The following GBF1 variants were observed in gnomAD, a reference collection of about 807,000 sequenced individuals.
The protein encoded by GBF1 is Golgi-specific brefeldin A-resistance guanine nucleotide exchange factor 1.
A neutral mutation model predicts 210.5 loss-of-function variants in GBF1; 114 were observed. The observed-to-expected ratio is 0.54, with a 90% confidence interval of 0.47 to 0.63. The LOEUF is 0.63. Ranked by LOEUF, GBF1 falls within the 30% of genes least tolerant of loss-of-function variation. The pLI, the probability that GBF1 is intolerant of heterozygous loss-of-function variation, is 0.00. For synonymous variants in GBF1, 850 were observed against 889.2 expected (o/e 0.96, Z 0.78); for missense variants, 1,851 against 2,357.7 (o/e 0.79, Z 4.45).
At position 102,361,922 on chromosome 10, in the gene GBF1, A is replaced by C. The variant is rs938390149; in HGVS notation, c.1686+10A>C. 1.2e-5 allele frequency: 18 copies of C among 1,543,836 alleles called. No homozygotes were observed. Among genetic ancestry groups the C allele is most frequent in the Non-Finnish European group, 1.6e-5 (18 of 1,140,916 alleles). ...AAAGCTGCTGTCCAAGGTGCTGAGC[A>C]CTATAACTGGCTTCTAGGAAAAAAC... On this transcript the variant is annotated intron_variant, in intron 14 of 39. Coordinates refer to ENST00000369983, the MANE Select transcript of GBF1 (RefSeq NM_001377137.1).
intron 3 of GBF1, among the ~76,000 whole-genome samples, chr10:102,277,563 GA>G (rs2075100729): frequency 6.6e-6 from 1 of 151,994 alleles, no homozygotes; most frequent in Non-Finnish European, 1.5e-5. Context: ...ATTTTTAGTA[GA>G]GACAGGGTTT....
the GBF1 span, among the ~76,000 whole-genome samples, chr10:102,239,184 A>T: frequency 1.3e-5 from 2 of 151,758 alleles, no homozygotes; most frequent in Non-Finnish European, 2.9e-5. Context: ...CTCTGACCCT[A>T]CTCTAGGCCC....
At chr10:102,295,578 G>T (rs1288159702) in intron 3 of GBF1, among the ~76,000 whole-genome samples, 1 of 151,836 alleles carries the variant, frequency 6.6e-6, no homozygotes, top group Admixed American at 6.6e-5. Flanking sequence ...AACAATATGG[G>T]AATAGAAGGG....
At chr10:102,369,415 G>C in intron 24 of GBF1, 28 bp downstream of exon 24, 1 of 1,557,398 alleles carries the variant, frequency 6.4e-7, no homozygotes, top group South Asian at 1.1e-5. Flanking sequence ...ACTAGTGAGC[G>C]ATAACAAGGC....
At chr10:102,319,232 AT>A (rs1408661256) in intron 3 of GBF1, among the ~76,000 whole-genome samples, 1 of 152,174 alleles carries the variant, frequency 6.6e-6, no homozygotes. Context: ...AGGCAGGAGA[AT>A]GGCATGAACC....
intron 3 of GBF1, among the ~76,000 whole-genome samples, chr10:102,338,498 C>T (rs2134455379): frequency 6.6e-6 from 1 of 152,022 alleles, no homozygotes; most frequent in African/African-American, 2.4e-5. Flanking sequence ...CTCACCTCGG[C>T]CTCCCAAAGT....
At chr10:102,351,735 C>T in intron 5 of GBF1, 108 bp from the exon 6 acceptor site, 1 of 698,330 alleles carries the variant, frequency 1.4e-6, no homozygotes, top group Non-Finnish European at 2.6e-6. Flanking sequence ...TTGGAGACCT[C>T]TCTACCAAGC....
At chr10:102,303,079 C>G (rs2077532125) in intron 3 of GBF1, among the ~76,000 whole-genome samples, 1 of 151,350 alleles carries the variant, frequency 6.6e-6, no homozygotes, top group Non-Finnish European at 1.5e-5. Context: ...CCTCCGCCTC[C>G]TGGGTTCAAG....
At chr10:102,358,852 G>T in intron 10 of GBF1, 123 bp downstream of exon 10, 1 of 650,706 alleles carries the variant, frequency 1.5e-6, no homozygotes, top group Non-Finnish European at 2.7e-6. Flanking sequence ...AAGAAGCTCT[G>T]ATCTTTCCTG....
In GBF1 at chr10:102,260,802, T is replaced by C. The variant is rs1005701438; in HGVS notation, c.163+686T>C. ...TATATTTTCTTTAAAAAAAAGAATC[T>C]GCAAGCCAGATTTGGCCCATGGGTG... On this transcript the variant is annotated intron_variant, in intron 3 of 39. Coordinates refer to ENST00000369983, the MANE Select transcript of GBF1 (RefSeq NM_001377137.1). Among the ~76,000 whole-genome samples the C allele has an allele frequency of 2.6e-4, 39 of 152,164 alleles. 1 individual carries two copies. In the South Asian group the frequency reaches 3.3e-3, roughly 13 times the overall value.
At chr10:102,306,495 A>G (rs1217282587) in intron 3 of GBF1, among the ~76,000 whole-genome samples, 2 of 152,044 alleles carry the variant, frequency 1.3e-5, no homozygotes, top group Non-Finnish European at 2.9e-5. Flanking sequence ...GCAATCTTGG[A>G]TCACTGCACC....
chr10:102,250,005 A>T (rs2071310245), intron 1 of GBF1, among the ~76,000 whole-genome samples: 1 of 152,136 alleles, frequency 6.6e-6, no homozygotes, highest in Admixed American at 6.6e-5. Context: ...TGGCTTTTAA[A>T]GGTATTGAGT....
chr10:102,323,259 A>AAAG (rs905210599), intron 3 of GBF1, among the ~76,000 whole-genome samples: 7 of 151,110 alleles, frequency 4.6e-5, no homozygotes, highest in South Asian at 4.2e-4. Flanking sequence ...AAAAAAAAAA[A>AAAG]AAGAAGAAGA....
At chr10:102,369,148 C>A in intron 23 of GBF1, 63 bp from the exon 24 acceptor site, 1 of 1,223,236 alleles carries the variant, frequency 8.2e-7, no homozygotes, top group Admixed American at 1.8e-5. Context: ...AGGCAGAGAC[C>A]TAAGAGATTT....
At chr10:102,231,228 G>T in the GBF1 span, 1 of 948,400 alleles carries the variant, frequency 1.1e-6, no homozygotes, top group Non-Finnish European at 1.5e-6. Flanking sequence ...GGCTAGAGAC[G>T]GGGTGGGAGG....
chr10:102,272,112 A>ATTT (rs200740272), intron 3 of GBF1, among the ~76,000 whole-genome samples: 3 of 147,046 alleles, frequency 2.0e-5, no homozygotes, highest in East Asian at 2.0e-4. Flanking sequence ...GCAATTGTTG[A>ATTT]TTTTTTTTTT....
chr10:102,233,928 G>T, the GBF1 span, among the ~76,000 whole-genome samples: 2 of 152,174 alleles, frequency 1.3e-5, no homozygotes, highest in Non-Finnish European at 2.9e-5. Flanking sequence ...GGACCCCTCT[G>T]CTGCGAGGAA....
At chr10:102,360,919 G>C in intron 12 of GBF1, 103 bp from the exon 13 acceptor site, 1 of 700,960 alleles carries the variant, frequency 1.4e-6, no homozygotes, top group Non-Finnish European at 2.6e-6. Context: ...AGGTTGCAGT[G>C]AGCTGAGATT....
chr10:102,241,769 C>A (rs2133819730), upstream of GBF1, among the ~76,000 whole-genome samples: 1 of 152,378 alleles, frequency 6.6e-6, no homozygotes, highest in Non-Finnish European at 1.5e-5. The surrounding 1 kb of genome is among the most constrained non-coding windows in gnomAD (Gnocchi z 6.7). Flanking sequence ...GACCGCGCTC[C>A]GGCTAGGACG....
Sources: gnomAD v4.1 joint callset for allele counts (sites outside exome capture counted in the v4.1 genomes callset) on GRCh38, gnomAD v4.1.1 for gene constraint, Gnocchi (gnomAD v3.1) non-coding constraint, MANE v1.5 for transcripts, NCBI Gene and HGNC (gene_info 2026-07-23, HGNC 2026-07-21) for gene names.